Variants in FXR2 observed in about 807,000 individuals in gnomAD.
FXR2 encodes the protein FMR1 autosomal homolog 2, also known as RNA-binding protein FXR2.
FXR2 carries 9 observed loss-of-function variants against 87.3 expected under a neutral mutation model. The observed-to-expected ratio is 0.10, with a 90% CI of 0.06 to 0.18. FXR2 has a LOEUF of 0.18. FXR2 is among the 10% of genes least tolerant of loss of function. The pLI, the probability that FXR2 is intolerant of heterozygous loss-of-function variation, is 1.00. For missense variants in FXR2, 661 were observed against 893.6 expected (o/e 0.74, Z 3.32); for synonymous variants, 331 against 328.3 (o/e 1.01, Z -0.09).
intron 7 of FXR2, among the ~76,000 whole-genome samples, chr17:7,598,746 T>C (rs1001409205): frequency 6.6e-6 from 1 of 151,876 alleles, no homozygotes; most frequent in Non-Finnish European, 1.5e-5. Flanking sequence ...CAATGGGTCA[T>C]GTCTATAATC....
chr17:7,600,275 T>C (rs935512851), intron 7 of FXR2, among the ~76,000 whole-genome samples: 1 of 151,608 alleles, frequency 6.6e-6, no homozygotes, highest in Admixed American at 6.6e-5. Context: ...CTTGGCTCAC[T>C]GCAACCTCCA....
intron 7 of FXR2, among the ~76,000 whole-genome samples, chr17:7,600,317 G>T (rs1423893362): frequency 1.3e-5 from 2 of 152,138 alleles, no homozygotes; most frequent in Non-Finnish European, 2.9e-5. Context: ...TCCTGCCTCA[G>T]TCTCTCGAGT....
At position 7,605,676 on chromosome 17, in the gene FXR2, T is replaced by A. The variant is rs772684442; in HGVS notation, c.197A>T (p.Asn66Ile). Residue 66 changes from asparagine (N) to isoleucine (I), a missense_variant, in exon 3 of 17, where the codon AAT becomes ATT. Transcript: ENST00000250113. ...TTCATCCCCTTCTGTGATCTCCTTA[T>A]TATAGTCAGCTGGAGGTGGTAGCCG... is the stretch of plus-strand genomic sequence containing the variant. ...DVRLPPPADYNKEITEGDEVE... is the reference protein window; with the variant it reads ...DVRLPPPADYIKEITEGDEVE... The A allele has an allele frequency of 2.5e-6, 4 of 1,590,026 alleles. No homozygotes were observed. Among genetic ancestry groups the A allele is most frequent in the Admixed American group, 1.7e-5 (1 of 59,746 alleles).
In FXR2 at chr17:7,614,723, T is replaced by TCCG. The variant is rs1240216771; in HGVS notation, c.-194_-192dup. ...GGGGCCGGGGCCGGGCCGCTCCCCG[T>TCCG]CCGCCGCCGCCGCCTTGGTCTCCGC... On this transcript the variant is annotated 5_prime_UTR_variant, in exon 1 of 17. Coordinates refer to ENST00000250113, the MANE Select transcript of FXR2 (RefSeq NM_004860.4). 3.7e-6 allele frequency: 1 copy of TCCG among 267,366 alleles called. No homozygotes were observed. The highest frequency in any genetic ancestry group is 6.9e-6 in the Non-Finnish European group (1 of 144,522). 16.6% of individuals were successfully genotyped at this position (267,366 alleles called of 1,614,324 possible).
At chr17:7,612,003 T>A (rs1370206908) in intron 1 of FXR2, among the ~76,000 whole-genome samples, 1 of 152,174 alleles carries the variant, frequency 6.6e-6, no homozygotes, top group African/African-American at 2.4e-5. Flanking sequence ...AATCACAGTA[T>A]CCTGGTCCCC....
Position 7,594,835 on chromosome 17 carries a change from C to T in FXR2, c.832-78G>A. 1 of 879,650 alleles carries T rather than the reference C, an allele frequency of 1.1e-6. No individual in the cohort carries two copies. The highest frequency in any genetic ancestry group is 2.4e-5 in the East Asian group (1 of 41,526). The allele number at this position is 879,650 out of a possible 1,614,324, so 54.5% of individuals were successfully genotyped here. A position where few individuals can be genotyped will look rare whatever the true frequency, so the allele number is the denominator to read the frequency against. On this transcript the variant is annotated intron_variant, in intron 8 of 16. Transcript: ENST00000250113. The surrounding 1 kb of genome is among the most constrained non-coding windows in gnomAD (Gnocchi z 5.1). The stretch of plus-strand genomic sequence containing the variant: ...TGGTGGCTCACGCCTGTAATCCCAG[C>T]ACTTTGGGAGGCTGGAGGCAGGTGG...
In FXR2 at chr17:7,592,772, G is replaced by T. The variant is rs372729860; in HGVS notation, c.1651C>A (p.Arg551Ser). 1 of 1,613,690 alleles carries T rather than the reference G, an allele frequency of 6.2e-7. No homozygotes were observed. Among genetic ancestry groups the T allele is most frequent in the African/African-American group, 1.3e-5 (1 of 74,980 alleles). Residue 551 changes from arginine to serine, a missense_variant, in exon 14 of 17, where the codon CGC becomes AGC. Transcript: ENST00000250113. This position sits in a 1 kb window ranked among gnomAD's most constrained non-coding sequence, Gnocchi z 4.8. Reference protein sequence around the residue: ...ASARRRRSRRRRTDEDRTVMD... With the variant: ...ASARRRRSRRSRTDEDRTVMD... Reference sequence around the variant, plus strand: ...ACGGTCCTGTCTTCATCAGTGCGGCGGCGGCGGGAGCGGCGGCGCCTGGCA... The same window carrying T: ...ACGGTCCTGTCTTCATCAGTGCGGCTGCGGCGGGAGCGGCGGCGCCTGGCA...
intron 6 of FXR2, 62 bp from the exon 7 acceptor site, chr17:7,601,587 C>A (rs936520100): frequency 3.1e-6 from 3 of 982,738 alleles, no homozygotes; most frequent in East Asian, 4.8e-5. Context: ...AAGGGAGAGC[C>A]AGGGACTAGA....
chr17:7,591,365 C>T lies in FXR2; in HGVS notation c.*465G>A, dbSNP rs2071657957. 2 of 193,108 alleles carry T rather than the reference C, an allele frequency of 1.0e-5. No homozygotes were observed. The highest frequency in any genetic ancestry group is 1.6e-4 in the South Asian group (2 of 12,282). 12.0% of individuals were successfully genotyped at this position (193,108 alleles called of 1,614,324 possible). ...CCCTTCATACACACCCCTGGTTCTA[C>T]TCCAAAACCTTCCCCGTGCCTCCCA... On this transcript the variant is annotated 3_prime_UTR_variant, in exon 17 of 17. Transcript: ENST00000250113. The surrounding 1 kb of genome is among the most constrained non-coding windows in gnomAD (Gnocchi z 4.0).
In FXR2 at chr17:7,603,528, C is replaced by CAA. The variant is rs35153607; in HGVS notation, c.449+227_449+228dup. On this transcript the variant is annotated intron_variant, in intron 5 of 16. Transcript: ENST00000250113. ...GGCAACAAGAGCAAAACTCTGTCTCCAAAAAAAAAAAAAAAAGAAAGAAAG... is the reference window on the plus strand; with the variant it reads ...GGCAACAAGAGCAAAACTCTGTCTCCAAAAAAAAAAAAAAAAAAGAAAGAAAG... 2.3e-3 allele frequency among the ~76,000 whole-genome samples: 246 copies of CAA among 106,878 alleles called. 5 individuals carry two copies. The South Asian group carries it at 0.024, about 10-fold the overall frequency. 70.1% of individuals were successfully genotyped at this position (106,878 alleles called of 152,430 possible).
At chr17:7,604,706 G>T (rs2071788658) in intron 3 of FXR2, among the ~76,000 whole-genome samples, 1 of 149,196 alleles carries the variant, frequency 6.7e-6, no homozygotes, top group Admixed American at 6.7e-5. Flanking sequence ...GAAAAAAAAG[G>T]TATTTGGGAT....
intron 1 of FXR2, among the ~76,000 whole-genome samples, chr17:7,609,631 C>T (rs2071832446): frequency 6.6e-6 from 1 of 151,988 alleles, no homozygotes; most frequent in Admixed American, 6.6e-5. Flanking sequence ...CTACTGTTCT[C>T]CATTCAAGTC....
At chr17:7,605,866 C>G in intron 2 of FXR2, 128 bp from the exon 3 acceptor site, 1 of 687,980 alleles carries the variant, frequency 1.5e-6, no homozygotes, top group Non-Finnish European at 2.6e-6. Flanking sequence ...AAACCCCAGG[C>G]CCTGCTCCAT....
chr17:7,601,582 A>AG, intron 6 of FXR2, 57 bp from the exon 7 acceptor site: 1 of 1,002,812 alleles, frequency 1.0e-6, no homozygotes, highest in Admixed American at 1.7e-5. Flanking sequence ...ACACTAAGGG[A>AG]GAGCCAGGGA....
At chr17:7,611,578 G>C (rs1479082213) in intron 1 of FXR2, among the ~76,000 whole-genome samples, 1 of 152,078 alleles carries the variant, frequency 6.6e-6, no homozygotes, top group East Asian at 1.9e-4. Context: ...TGAGGCACAA[G>C]AATCACTTGA....
At chr17:7,612,971 T>C (rs1273681390) in intron 1 of FXR2, among the ~76,000 whole-genome samples, 1 of 112,412 alleles carries the variant, frequency 8.9e-6, no homozygotes, top group Admixed American at 1.4e-4. Context: ...ACTCCAAGCC[T>C]GGGCAACAGG....
chr17:7,613,589 A>G (rs916832172), intron 1 of FXR2, among the ~76,000 whole-genome samples: 1 of 152,224 alleles, frequency 6.6e-6, no homozygotes, highest in African/African-American at 2.4e-5. Flanking sequence ...ATAGTTGGCC[A>G]AGAGTCTTCA....
rs1162140812 is a variant in FXR2 at position 7,614,890 on chromosome 17, C to A, written c.-358G>T. The A allele has an allele frequency of 6.5e-6, 1 of 154,740 alleles. No individual in the cohort carries two copies. The highest frequency in any genetic ancestry group is 2.4e-5 in the African/African-American group (1 of 41,476). The allele number at this position is 154,740 out of a possible 1,614,324, so 9.6% of individuals were successfully genotyped here. A position where few individuals can be genotyped will look rare whatever the true frequency, so the allele number is the denominator to read the frequency against. On this transcript the variant is annotated 5_prime_UTR_variant, in exon 1 of 17. Coordinates refer to ENST00000250113, the MANE Select transcript of FXR2 (RefSeq NM_004860.4). ...CCTCCACCTCCCCCTGCCACCGCCGCCTACTGCGCAGGCGCACCGGGCACC... is the reference window on the plus strand; with the variant it reads ...CCTCCACCTCCCCCTGCCACCGCCGACTACTGCGCAGGCGCACCGGGCACC...
intron 5 of FXR2, among the ~76,000 whole-genome samples, 164 bp downstream of exon 5, chr17:7,603,593 T>C (rs1336413447): frequency 6.9e-6 from 1 of 145,568 alleles, no homozygotes; most frequent in Non-Finnish European, 1.5e-5. Flanking sequence ...AGAACAAGGA[T>C]GGGAAAATAA....
Sources: gnomAD v4.1 joint callset for allele counts (sites outside exome capture counted in the v4.1 genomes callset) on GRCh38, gnomAD v4.1.1 for gene constraint, Gnocchi (gnomAD v3.1) non-coding constraint, MANE v1.5 for transcripts, NCBI Gene and HGNC (gene_info 2026-07-23, HGNC 2026-07-21) for gene names.